The following NIPBL variants were observed in gnomAD, a reference collection of about 807,000 sequenced individuals.
The protein encoded by NIPBL is nipped-B-like protein.
NIPBL carries 19 observed loss-of-function variants against 321.8 expected under a neutral mutation model. That is an observed-to-expected ratio of 0.06 (90% CI 0.04 to 0.09). The LOEUF (loss-of-function observed/expected upper bound fraction) is 0.09, where lower values mean the gene tolerates loss of function less well. NIPBL is among the 10% of genes least tolerant of loss of function. The pLI, the probability that NIPBL is intolerant of heterozygous loss-of-function variation, is 1.00. For synonymous variants in NIPBL, 1,106 were observed against 1,114.1 expected, an observed-to-expected ratio of 0.99 and a Z score of 0.14; for missense variants, 2,210 against 3,327.0, an observed-to-expected ratio of 0.66 and a Z score of 8.26.
chr5:37,057,161 G>A (rs905614236), intron 42 of NIPBL, 25 bp from the exon 43 acceptor site: 1 of 1,611,336 alleles, frequency 6.2e-7, no homozygotes, highest in Admixed American at 1.7e-5. Context: ...CGCTAAACAT[G>A]TGTGCTTTTT....
In NIPBL at chr5:36,876,849, C is replaced by A. The variant is rs1336724040; in HGVS notation, c.-409C>A. On this transcript the variant is annotated 5_prime_UTR_variant, in exon 1 of 47. Coordinates refer to ENST00000282516, the MANE Select transcript of NIPBL (RefSeq NM_133433.4). ...CCCCCCGCCCTCCCCCCCCTCCCTC[C>A]GTCGGTACCGACTCACCCGACACCA... The A allele has an allele frequency of 5.1e-6, 2 of 388,680 alleles. No individual in the cohort carries two copies. The highest frequency in any genetic ancestry group is 9.0e-6 in the Non-Finnish European group (2 of 221,324). 24.1% of individuals were successfully genotyped at this position (388,680 alleles called of 1,614,324 possible). A position where few individuals can be genotyped will look rare whatever the true frequency, so the allele number is the denominator to read the frequency against.
chr5:36,898,246 C>T (rs552768048), intron 1 of NIPBL, among the ~76,000 whole-genome samples: 71 of 152,066 alleles, frequency 4.7e-4, no homozygotes, highest in Non-Finnish European at 7.4e-4. Context: ...TAAGTTGTAT[C>T]CTCTATTATC....
chr5:37,058,289 AC>A (rs1401920350), intron 43 of NIPBL, among the ~76,000 whole-genome samples: 2 of 152,198 alleles, frequency 1.3e-5, no homozygotes, highest in Non-Finnish European at 2.9e-5. Context: ...TTACCTACTT[AC>A]TGGTATGGCT....
chr5:36,942,112 T>C (rs887100223), intron 1 of NIPBL, among the ~76,000 whole-genome samples: 3 of 152,102 alleles, frequency 2.0e-5, no homozygotes, highest in African/African-American at 7.2e-5. Context: ...AGCTGTTTTT[T>C]ATTGGTCTAA....
intron 1 of NIPBL, among the ~76,000 whole-genome samples, chr5:36,951,010 A>G (rs191749552): frequency 3.2e-4 from 49 of 152,310 alleles, no homozygotes; most frequent in African/African-American, 1.1e-3. Context: ...GGAATTAGCC[A>G]TAGTTCAGCA....
At chr5:37,045,333 G>C (rs1436370833) in intron 36 of NIPBL, 110 bp from the exon 37 acceptor site, 19 of 774,690 alleles carry the variant, frequency 2.5e-5, no homozygotes, top group Non-Finnish European at 3.5e-5. Flanking sequence ...CAGCCTGGGT[G>C]ACAGTGAGAC....
chr5:36,951,272 T>A (rs978788202), intron 1 of NIPBL, among the ~76,000 whole-genome samples: 1 of 152,152 alleles, frequency 6.6e-6, no homozygotes, highest in Non-Finnish European at 1.5e-5. Context: ...TTGGATCTGC[T>A]CTATTTGTTA....
chr5:36,961,577 C>T lies in NIPBL; in HGVS notation c.452C>T (p.Pro151Leu). 6.4e-7 allele frequency: 1 copy of T among 1,559,318 alleles called. No homozygotes were observed. Among genetic ancestry groups the T allele is most frequent in the Non-Finnish European group, 8.8e-7 (1 of 1,130,232 alleles). ...CAACAAACCACTATCTCACATAGCCCCTCCAGGTAATATATGTATATATCG... is the reference window on the plus strand; with the variant it reads ...CAACAAACCACTATCTCACATAGCCTCTCCAGGTAATATATGTATATATCG... Reference protein sequence around the residue: ...NYQQTTISHSPSSRFVPPQTS... With the variant: ...NYQQTTISHSLSSRFVPPQTS... Residue 151 changes from proline (P) to leucine (L), a missense_variant, in exon 5 of 47, where the codon CCC becomes CTC. By Grantham distance (98) the Pro-to-Leu change is moderately conservative (BLOSUM62 -3). This residue lies in a region of NIPBL where 464 missense variants were observed against 529.5 expected (regional missense o/e 0.88). Coordinates refer to ENST00000282516, the MANE Select transcript of NIPBL (RefSeq NM_133433.4).
chr5:37,002,559 T>G (rs1286615219), intron 14 of NIPBL, 103 bp from the exon 15 acceptor site: 2 of 766,868 alleles, frequency 2.6e-6, no homozygotes, highest in Non-Finnish European at 4.6e-6. Flanking sequence ...GGTTATTTGT[T>G]TAGTTTGCAT....
intron 1 of NIPBL, among the ~76,000 whole-genome samples, chr5:36,931,029 A>G (rs1432330573): frequency 6.6e-6 from 1 of 152,162 alleles, no homozygotes; most frequent in East Asian, 1.9e-4. Context: ...CTTTGGTGAT[A>G]CCAGACTCAG....
rs530972100 is a variant in NIPBL at position 36,911,806 on chromosome 5, T to C, written c.-80+34628T>C. On this transcript the variant is annotated intron_variant, in intron 1 of 46. Coordinates refer to ENST00000282516, the MANE Select transcript of NIPBL (RefSeq NM_133433.4). ...ACCACAGAGAAAAATTAGCAAAAAT[T>C]ATAAAGCTGATATCCAATAACTGAA... Among the ~76,000 whole-genome samples the C allele has an allele frequency of 3.5e-4, 53 of 152,270 alleles. 2 individuals carry two copies. The South Asian group carries it at 0.011, about 30-fold the overall frequency.
At chr5:36,918,524 C>G (rs1748661475) in intron 1 of NIPBL, among the ~76,000 whole-genome samples, 2 of 151,976 alleles carry the variant, frequency 1.3e-5, no homozygotes, top group Admixed American at 6.5e-5. Context: ...ATTTTTTTCT[C>G]CTGCCTGATT....
At chr5:37,030,869 C>T (rs189658628) in intron 32 of NIPBL, among the ~76,000 whole-genome samples, 1 of 150,538 alleles carries the variant, frequency 6.6e-6, no homozygotes, top group African/African-American at 2.4e-5. Context: ...GTCCTCTTTC[C>T]TCAGCCTCCC....
intron 46 of NIPBL, chr5:37,064,283 T>C: frequency 7.3e-7 from 1 of 1,364,970 alleles, no homozygotes; most frequent in African/African-American, 1.5e-5. Flanking sequence ...GGTTCATATG[T>C]ATATATAATT....
chr5:36,978,804 A>T (rs1362494971), intron 9 of NIPBL, among the ~76,000 whole-genome samples: 1 of 151,920 alleles, frequency 6.6e-6, no homozygotes, highest in Non-Finnish European at 1.5e-5. Flanking sequence ...TCTTCTGCTT[A>T]TGGCTAGCCA....
chr5:36,925,454 C>T (rs7735990), intron 1 of NIPBL, among the ~76,000 whole-genome samples: 6,320 of 151,648 alleles, frequency 0.042, 454 homozygotes, highest in African/African-American at 0.14. Flanking sequence ...TTAGTAGAGA[C>T]GGGGTTTCAC....
At chr5:36,983,835 A>G (rs959537415) in intron 9 of NIPBL, among the ~76,000 whole-genome samples, 4 of 152,020 alleles carry the variant, frequency 2.6e-5, no homozygotes, top group Non-Finnish European at 4.4e-5. Context: ...TTTACATTTC[A>G]TAATACTGTA....
At chr5:37,012,680 T>A (rs1472316978) in intron 21 of NIPBL, among the ~76,000 whole-genome samples, 1 of 152,100 alleles carries the variant, frequency 6.6e-6, no homozygotes, top group Non-Finnish European at 1.5e-5. Flanking sequence ...TTAAGGAGCA[T>A]GCTGCCTTCA....
intron 1 of NIPBL, among the ~76,000 whole-genome samples, chr5:36,897,146 G>A (rs1044693616): frequency 2.0e-5 from 3 of 151,966 alleles, no homozygotes; most frequent in African/African-American, 7.3e-5. Context: ...GGGATTACAG[G>A]TGCACACCAG....
Sources: allele counts gnomAD v4.1 joint callset (sites outside exome capture counted in the v4.1 genomes callset), GRCh38; gene constraint gnomAD v4.1.1; regional missense constraint gnomAD v4.1.1; transcripts MANE v1.5; gene names NCBI Gene and HGNC (gene_info 2026-07-23, HGNC 2026-07-21).